Variants in GRK5 observed in about 807,000 individuals in gnomAD.
GRK5 encodes g protein-coupled receptor kinase GRK5.
GRK5 carries 40 observed loss-of-function variants against 78.4 expected under a neutral mutation model. The ratio of observed to expected loss-of-function variants is 0.51; its 90% CI spans 0.40 to 0.66. GRK5 has a LOEUF of 0.66. GRK5 is among the 30% of genes least tolerant of loss of function. GRK5 has a pLI of 0.00. For synonymous variants in GRK5, 289 were observed against 296.8 expected (o/e 0.97, Z 0.27); for missense variants, 598 against 759.9 (o/e 0.79, Z 2.50).
intron 1 of GRK5, among the ~76,000 whole-genome samples, chr10:119,285,526 G>A (rs1353350261): frequency 6.6e-6 from 1 of 152,146 alleles, no homozygotes; most frequent in Non-Finnish European, 1.5e-5. Context: ...TTATGCCACT[G>A]GAAACATTTT....
chr10:119,320,213 T>C (rs1290217599), intron 1 of GRK5, among the ~76,000 whole-genome samples: 1 of 152,188 alleles, frequency 6.6e-6, no homozygotes, highest in Admixed American at 6.5e-5. Context: ...GACACTTGCA[T>C]TCACTCAGCA....
intron 1 of GRK5, among the ~76,000 whole-genome samples, chr10:119,265,621 A>T (rs886510235): frequency 6.6e-6 from 1 of 152,200 alleles, no homozygotes; most frequent in African/African-American, 2.4e-5. Context: ...CGGGCAATGA[A>T]TTCCTGCTGT....
intron 1 of GRK5, among the ~76,000 whole-genome samples, chr10:119,296,605 A>G (rs1296342087): frequency 6.6e-6 from 1 of 152,166 alleles, no homozygotes; most frequent in East Asian, 1.9e-4. Flanking sequence ...GCTGTGGAGG[A>G]CGTCATGGTG....
At chr10:119,222,497 A>G (rs1848670303) in intron 1 of GRK5, among the ~76,000 whole-genome samples, 1 of 152,046 alleles carries the variant, frequency 6.6e-6, no homozygotes. Context: ...CTTTCACTAA[A>G]GGTTTGCATG....
intron 1 of GRK5, among the ~76,000 whole-genome samples, chr10:119,261,102 T>A (rs58911924): frequency 5.7e-5 from 6 of 105,620 alleles, no homozygotes; most frequent in Non-Finnish European, 9.8e-5. Flanking sequence ...CTTCCCAGAC[T>A]GGGTGGCTGC....
intron 1 of GRK5, among the ~76,000 whole-genome samples, chr10:119,266,375 GA>G (rs1310723515): frequency 1.3e-5 from 2 of 152,058 alleles, no homozygotes; most frequent in Non-Finnish European, 2.9e-5. Flanking sequence ...GAGAACGCTT[GA>G]ACCCAGGAGG....
chr10:119,315,993 C>T (rs1314403865), intron 1 of GRK5, among the ~76,000 whole-genome samples: 1 of 152,226 alleles, frequency 6.6e-6, no homozygotes, highest in Admixed American at 6.5e-5. Flanking sequence ...AAGCCAGTTT[C>T]TGCTGGGAAG....
At chr10:119,273,301 C>T (rs1849615301) in intron 1 of GRK5, among the ~76,000 whole-genome samples, 5 of 152,148 alleles carry the variant, frequency 3.3e-5, no homozygotes, top group Admixed American at 3.3e-4. Context: ...TTGTGGTCAT[C>T]ACAGGTTGCA....
At position 119,217,982 on chromosome 10, in the gene GRK5, C is replaced by CT. The variant is rs1848601596; in HGVS notation, c.52+10017dup. On this transcript the variant is annotated intron_variant, in intron 1 of 15. Coordinates refer to ENST00000392870, the MANE Select transcript of GRK5 (RefSeq NM_005308.3). The surrounding 1 kb of genome is among the most constrained non-coding windows in gnomAD (Gnocchi z 4.1). ...CACCAAAGAGAGGGTATGAAGTGGC[C>CT]TTTTCCCCCAGAAAAGCTCTCTCCG... is the stretch of plus-strand genomic sequence containing the variant. Among the ~76,000 whole-genome samples, 1 of 152,056 alleles carries CT rather than the reference C, an allele frequency of 6.6e-6. No homozygotes were observed. The highest frequency in any genetic ancestry group is 1.5e-5 in the Non-Finnish European group (1 of 68,016).
intron 1 of GRK5, among the ~76,000 whole-genome samples, chr10:119,256,222 C>T (rs942963708): frequency 3.9e-5 from 6 of 152,112 alleles, no homozygotes; most frequent in African/African-American, 7.2e-5. Context: ...TCAGTGGCCT[C>T]GACTCCTGTG....
At position 119,283,447 on chromosome 10, in the gene GRK5, G is replaced by A. The variant is rs536821044; in HGVS notation, c.53-43069G>A. Reference sequence around the variant, plus strand: ...CCTGCAAGTCCTTCTTCTAGGCTGGGAAATGAGGACATAGGAGTGAGGCTG... The same window carrying A: ...CCTGCAAGTCCTTCTTCTAGGCTGGAAAATGAGGACATAGGAGTGAGGCTG... On this transcript the variant is annotated intron_variant, in intron 1 of 15. Transcript: ENST00000392870. 1.1e-3 allele frequency among the ~76,000 whole-genome samples: 163 copies of A among 152,344 alleles called. 1 individual carries two copies. The highest frequency in any genetic ancestry group is 2.3e-3 in the South Asian group (11 of 4,832).
chr10:119,413,344 G>T (rs1189093776), intron 4 of GRK5, among the ~76,000 whole-genome samples: 2 of 151,482 alleles, frequency 1.3e-5, no homozygotes, highest in Non-Finnish European at 2.9e-5. Flanking sequence ...CCTTCTGGTG[G>T]ACAGACCTGC....
intron 1 of GRK5, among the ~76,000 whole-genome samples, chr10:119,295,793 G>A (rs1169191311): frequency 6.6e-6 from 1 of 152,086 alleles, no homozygotes. Flanking sequence ...ATGGACTTCA[G>A]GGACTTGTGG....
At chr10:119,250,514 T>TG (rs1849181888) in intron 1 of GRK5, among the ~76,000 whole-genome samples, 1 of 118,850 alleles carries the variant, frequency 8.4e-6, no homozygotes, top group African/African-American at 2.9e-5. Context: ...CAGCCTCATT[T>TG]AAATTTTTTT....
At chr10:119,261,299 A>G (rs1218247879) in intron 1 of GRK5, among the ~76,000 whole-genome samples, 41 of 110,074 alleles carry the variant, frequency 3.7e-4, no homozygotes, top group Middle Eastern at 6.4e-3. Flanking sequence ...CATCCCAGAC[A>G]GGGCGGCGGG....
intron 1 of GRK5, among the ~76,000 whole-genome samples, chr10:119,318,527 G>A (rs746428182): frequency 3.3e-5 from 5 of 152,134 alleles, no homozygotes; most frequent in South Asian, 2.1e-4. Flanking sequence ...CCAGTATTGC[G>A]GGCTTTGTCA....
intron 1 of GRK5, among the ~76,000 whole-genome samples, chr10:119,306,701 CT>C (rs944573204): frequency 2.0e-5 from 3 of 152,132 alleles, no homozygotes. Flanking sequence ...GCCCCTGAGC[CT>C]GGTGGGTGGG....
chr10:119,404,264 T>C (rs1432162625), intron 4 of GRK5, among the ~76,000 whole-genome samples: 1 of 152,236 alleles, frequency 6.6e-6, no homozygotes, highest in Non-Finnish European at 1.5e-5. Context: ...CCCTAATAAT[T>C]AATAATGTTG....
intron 3 of GRK5, among the ~76,000 whole-genome samples, chr10:119,394,546 G>T (rs143624001): frequency 3.4e-3 from 15 of 4,382 alleles, no homozygotes; most frequent in East Asian, 0.017. Flanking sequence ...TCTGTGTGTG[G>T]GGGCACGTGT....
Sources: allele counts gnomAD v4.1 joint callset (sites outside exome capture counted in the v4.1 genomes callset), GRCh38; gene constraint gnomAD v4.1.1; non-coding constraint Gnocchi (gnomAD v3.1); transcripts MANE v1.5; gene names NCBI Gene and HGNC (gene_info 2026-07-23, HGNC 2026-07-21).